ZNF428: variants seen among roughly 807,000 people sequenced by gnomAD.
ZNF428 encodes enzyme-like protein PIT13.
ZNF428 carries 5 observed loss-of-function variants against 15.6 expected under a neutral mutation model. That is an observed-to-expected ratio of 0.32 (90% CI 0.17 to 0.67). The LOEUF is 0.67. Ranked by LOEUF, ZNF428 falls within the 30% of genes least tolerant of loss-of-function variation. ZNF428 has a pLI of 0.73. For missense variants in ZNF428, 237 were observed against 256.0 expected (o/e 0.93, Z 0.51); for synonymous variants, 97 against 102.2 (o/e 0.95, Z 0.31).
chr19:43,617,246 G>A (rs1428937336), intron 1 of ZNF428, among the ~76,000 whole-genome samples: 10 of 151,510 alleles, frequency 6.6e-5, no homozygotes, highest in East Asian at 1.9e-4. Context: ...CCAACGGACC[G>A]CCCCCGCCCC....
intron 2 of ZNF428, chr19:43,613,048 A>G: frequency 1.3e-6 from 2 of 1,551,592 alleles, no homozygotes; most frequent in Non-Finnish European, 1.7e-6. Flanking sequence ...GTTGGAAGAG[A>G]AACCATAGCA....
intron 2 of ZNF428, 71 bp from the exon 3 acceptor site, chr19:43,608,178 T>G (rs1973260488): frequency 6.5e-7 from 1 of 1,541,920 alleles, no homozygotes; most frequent in South Asian, 1.3e-5. Context: ...GTCCCCTCCC[T>G]GAATCCCCAC....
At chr19:43,614,840 CA>C (rs1297029859) in intron 1 of ZNF428, among the ~76,000 whole-genome samples, 3 of 152,302 alleles carry the variant, frequency 2.0e-5, no homozygotes, top group African/African-American at 7.2e-5. Flanking sequence ...TCAGGTGATC[CA>C]CATGCCTCAA....
At chr19:43,613,571 G>C in intron 2 of ZNF428, 2 of 1,551,278 alleles carry the variant, frequency 1.3e-6, no homozygotes, top group Non-Finnish European at 1.7e-6. Flanking sequence ...CAAGGAAAGA[G>C]ATCACAGCCA....
At chr19:43,614,126 A>G (rs779423314) in intron 2 of ZNF428, 103 bp downstream of exon 2, 8 of 1,606,732 alleles carry the variant, frequency 5.0e-6, no homozygotes, top group South Asian at 1.1e-5. Context: ...TAGAACCCCT[A>G]GCAAGACAAG....
intron 2 of ZNF428, chr19:43,613,472 C>T (rs1184172556): frequency 7.8e-6 from 12 of 1,544,936 alleles, no homozygotes; most frequent in East Asian, 2.5e-5. Flanking sequence ...AGATCGCAGC[C>T]GATCTAGAAG....
intron 2 of ZNF428, 76 bp downstream of exon 2, chr19:43,614,153 A>C: frequency 6.2e-7 from 1 of 1,613,790 alleles, no homozygotes; most frequent in Non-Finnish European, 8.5e-7. Context: ...CTCCCCATCA[A>C]CATTTCCCAG....
chr19:43,613,862 C>T lies in ZNF428; in HGVS notation c.76+367G>A, dbSNP rs748483822. On this transcript the variant is annotated intron_variant, in intron 2 of 2. Coordinates refer to ENST00000300811, the MANE Select transcript of ZNF428 (RefSeq NM_182498.4). ...GAGAAGCCCCAGCAAGGAGAGAGAG[C>T]GCAGACAATCTAGAAGCTCCAGCGA... 3.0e-5 allele frequency: 47 copies of T among 1,551,148 alleles called. No homozygotes were observed. In the East Asian group the frequency reaches 7.1e-4, roughly 23 times the overall value.
rs564469170 is a variant in ZNF428 at position 43,607,704 on chromosome 19, G to T, written c.480C>A (p.Thr160=). The change falls in exon 3 of 3, where the codon ACC becomes ACA. Residue 160 remains threonine, a synonymous_variant. Transcript: ENST00000300811. The surrounding 1 kb of genome is among the most constrained non-coding windows in gnomAD (Gnocchi z 5.1). ...EEEEEEEEEG[T]YHCTECEDSF... ...AATCCTCACATTCCGTACAGTGGTA[G>T]GTTCCCTCCTCCTCCTCTTCCTCCT... 4.3e-6 allele frequency: 7 copies of T among 1,613,942 alleles called. No individual in the cohort carries two copies. The highest frequency in any genetic ancestry group is 5.9e-6 in the Non-Finnish European group (7 of 1,179,980).
rs773892368 is a variant in ZNF428, at chr19:43,607,673, C to G, written c.511G>C (p.Asp171His). ...TGCCCGTGCAGCTCCCCCAGGTTGTCGAAGGAATCCTCACATTCCGTACAG... is the reference window on the plus strand; with the variant it reads ...TGCCCGTGCAGCTCCCCCAGGTTGTGGAAGGAATCCTCACATTCCGTACAG... ...YHCTECEDSF[D>H]NLGELHGHFM... Residue 171 changes from aspartate (D) to histidine (H), a missense_variant, in exon 3 of 3, where the codon GAC becomes CAC. Coordinates refer to ENST00000300811, the MANE Select transcript of ZNF428 (RefSeq NM_182498.4). This position sits in a 1 kb window ranked among gnomAD's most constrained non-coding sequence, Gnocchi z 5.1. The G allele has an allele frequency of 1.9e-6, 3 of 1,611,498 alleles. No homozygotes were observed. The highest frequency in any genetic ancestry group is 2.5e-6 in the Non-Finnish European group (3 of 1,178,460).
chr19:43,617,587 C>A (rs1407495683), intron 1 of ZNF428, among the ~76,000 whole-genome samples: 1 of 152,344 alleles, frequency 6.6e-6, no homozygotes, highest in East Asian at 1.9e-4. Flanking sequence ...GAGGAGAATT[C>A]TAATGATACC....
chr19:43,609,563 A>G (rs893819304), intron 2 of ZNF428, among the ~76,000 whole-genome samples: 6 of 151,976 alleles, frequency 3.9e-5, no homozygotes, highest in Admixed American at 3.9e-4. Flanking sequence ...AACATGGTGA[A>G]ACCCCGTCTC....
In ZNF428 at chr19:43,612,401, G is replaced by A; in HGVS notation, c.76+1828C>T. 2 of 1,551,658 alleles carry A rather than the reference G, an allele frequency of 1.3e-6. No individual in the cohort carries two copies. Among genetic ancestry groups the A allele is most frequent in the African/African-American group, 1.4e-5 (1 of 73,138 alleles). On this transcript the variant is annotated intron_variant, in intron 2 of 2. Transcript: ENST00000300811. The surrounding 1 kb of genome is among the most constrained non-coding windows in gnomAD (Gnocchi z 4.2). ...CAGCAAAGCAAGAACACCCAGCAGG[G>A]TGAGCACCGACACCAGGACCAGCAA...
chr19:43,613,260 C>T, intron 2 of ZNF428: 1 of 1,551,596 alleles, frequency 6.4e-7, no homozygotes, highest in African/African-American at 1.4e-5. Context: ...CACAGGGGAT[C>T]TAGCAGCCCC....
At chr19:43,613,777 C>G (rs755892279) in intron 2 of ZNF428, 1 of 1,549,744 alleles carries the variant, frequency 6.5e-7, no homozygotes, top group Non-Finnish European at 8.7e-7. Flanking sequence ...GAAGCCCCAG[C>G]GAGGAGAGAG....
Position 43,607,396 on chromosome 19 carries a change from AACACACAC to A in ZNF428, c.*213_*220del, listed in dbSNP as rs954382245. 3.8e-6 allele frequency: 2 copies of A among 529,018 alleles called. No individual in the cohort carries two copies. Among genetic ancestry groups the A allele is most frequent in the Non-Finnish European group, 3.2e-6 (1 of 317,108 alleles). 32.8% of individuals were successfully genotyped at this position (529,018 alleles called of 1,614,324 possible). A position where few individuals can be genotyped will look rare whatever the true frequency, so the allele number is the denominator to read the frequency against. ...ATACACACACACACACACACACACA[AACACACAC>A]ACGGGCGGGAATACACACACACACA... On this transcript the variant is annotated 3_prime_UTR_variant, in exon 3 of 3. Transcript: ENST00000300811. The surrounding 1 kb of genome is among the most constrained non-coding windows in gnomAD (Gnocchi z 5.1).
Position 43,612,051 on chromosome 19 carries a change from C to A in ZNF428, c.76+2178G>T. 8.4e-7 allele frequency: 1 copy of A among 1,192,184 alleles called. No homozygotes were observed. The highest frequency in any genetic ancestry group is 1.2e-6 in the Non-Finnish European group (1 of 832,778). The allele number at this position is 1,192,184 out of a possible 1,614,324, so 73.9% of individuals were successfully genotyped here. Reference sequence around the variant, plus strand: ...GTTGGCCTGTGACAGGCAATCAGGTCATCGTCCACGGCTACCAGGTGTTTC... The same window carrying A: ...GTTGGCCTGTGACAGGCAATCAGGTAATCGTCCACGGCTACCAGGTGTTTC... On this transcript the variant is annotated intron_variant, in intron 2 of 2. Coordinates refer to ENST00000300811, the MANE Select transcript of ZNF428 (RefSeq NM_182498.4). The surrounding 1 kb of genome is among the most constrained non-coding windows in gnomAD (Gnocchi z 4.2).
At chr19:43,613,720 CAGACAATCT>C (rs1464489289) in intron 2 of ZNF428, 2 of 1,551,288 alleles carry the variant, frequency 1.3e-6, no homozygotes, top group South Asian at 2.4e-5. Flanking sequence ...AGAGACAGCG[CAGACAATCT>C]AGAAGCCCCA....
rs774541546 is a variant in ZNF428, at chr19:43,607,917, C to T, written c.267G>A (p.Pro89=). The T allele has an allele frequency of 3.8e-5, 59 of 1,569,238 alleles. No homozygotes were observed. Among genetic ancestry groups the T allele is most frequent in the Admixed American group, 1.9e-4 (10 of 52,234 alleles). ...SRRAPRAAQP[P]AQPCQLCGRS... ...GGCCACAGAGCTGGCAAGGCTGGGC[C>T]GGGGGCTGGGCTGCACGGGGGGCCC... Residue 89 remains proline (P), a synonymous_variant, in exon 3 of 3, where the codon CCG becomes CCA. Transcript: ENST00000300811. The surrounding 1 kb of genome is among the most constrained non-coding windows in gnomAD (Gnocchi z 5.1).
Sources: allele counts gnomAD v4.1 joint callset (sites outside exome capture counted in the v4.1 genomes callset), GRCh38; gene constraint gnomAD v4.1.1; non-coding constraint Gnocchi (gnomAD v3.1); transcripts MANE v1.5; gene names NCBI Gene and HGNC (gene_info 2026-07-23, HGNC 2026-07-21).